ERBB4: variants seen among roughly 807,000 people sequenced by gnomAD.
ERBB4 encodes the protein erb-b2 receptor tyrosine kinase 4.
A neutral mutation model predicts 158.0 loss-of-function variants in ERBB4; 42 were observed. The ratio of observed to expected loss-of-function variants is 0.27; its 90% CI spans 0.21 to 0.34. The LOEUF is 0.34. Among genes scored for constraint, ERBB4 ranks in the 10% least tolerant of loss-of-function variants. ERBB4 has a pLI of 1.00. For missense variants in ERBB4, 1,333 were observed against 1,624.1 expected (o/e 0.82, Z 3.08); for synonymous variants, 583 against 558.7 (o/e 1.04, Z -0.61).
intron 1 of ERBB4, among the ~76,000 whole-genome samples, chr2:212,427,572 A>T (rs780748562): frequency 2.0e-5 from 3 of 152,192 alleles, no homozygotes; most frequent in Admixed American, 6.6e-5. Context: ...AAAACACAAT[A>T]AAAATTCACT....
intron 1 of ERBB4, among the ~76,000 whole-genome samples, chr2:212,502,469 T>C (rs1376638393): frequency 6.6e-6 from 1 of 152,188 alleles, no homozygotes; most frequent in Non-Finnish European, 1.5e-5. Flanking sequence ...AGTAATCATT[T>C]ACTCAGTGTC....
intron 3 of ERBB4, among the ~76,000 whole-genome samples, chr2:211,851,168 T>C (rs1173923278): frequency 6.6e-6 from 1 of 151,930 alleles, no homozygotes; most frequent in East Asian, 1.9e-4. Flanking sequence ...GTACAAAATT[T>C]GACTGAACAA....
chr2:212,305,739 TA>T (rs1465394753), intron 1 of ERBB4, among the ~76,000 whole-genome samples: 1 of 151,366 alleles, frequency 6.6e-6, no homozygotes, highest in Non-Finnish European at 1.5e-5. Context: ...ATTTTAAAAG[TA>T]AATACAAATA....
chr2:211,979,475 C>G (rs1266615665), intron 2 of ERBB4, among the ~76,000 whole-genome samples: 2 of 152,116 alleles, frequency 1.3e-5, no homozygotes, highest in Admixed American at 1.3e-4. Context: ...CTATGCTTGT[C>G]TACTCTTTAG....
rs551416316 is a variant in ERBB4, at chr2:211,804,146, G to A, written c.422-15987C>T. 2.0e-5 allele frequency among the ~76,000 whole-genome samples: 3 copies of A among 152,238 alleles called. No homozygotes were observed. In the South Asian group the frequency reaches 6.2e-4, roughly 32 times the overall value. On this transcript the variant is annotated intron_variant, in intron 3 of 27. Coordinates refer to ENST00000342788, the MANE Select transcript of ERBB4 (RefSeq NM_005235.3). ...AATAGGAAAGGCTTACATGTCATCT[G>A]GAAGATAAAATCAAATAACTGGCTG...
In ERBB4 at chr2:211,876,918, C is replaced by T. The variant is rs147258054; in HGVS notation, c.421+70512G>A. On this transcript the variant is annotated intron_variant, in intron 3 of 27. Coordinates refer to ENST00000342788, the MANE Select transcript of ERBB4 (RefSeq NM_005235.3). Reference sequence around the variant, plus strand: ...TGAAAAAATTAACAAAGTTTTATATCTATTTTCTTCTTTCTGGTTTCATTG... The same window carrying T: ...TGAAAAAATTAACAAAGTTTTATATTTATTTTCTTCTTTCTGGTTTCATTG... 4.8e-4 allele frequency among the ~76,000 whole-genome samples: 73 copies of T among 152,186 alleles called. 1 individual carries two copies. In the East Asian group the frequency reaches 0.012, roughly 25 times the overall value.
intron 1 of ERBB4, among the ~76,000 whole-genome samples, chr2:212,200,388 T>C (rs535247555): frequency 1.3e-5 from 2 of 152,278 alleles, no homozygotes; most frequent in African/African-American, 2.4e-5. Flanking sequence ...ATTTATCTTG[T>C]AAAGTTTTTC....
chr2:211,913,519 C>T (rs10181131), intron 3 of ERBB4, among the ~76,000 whole-genome samples: 36,873 of 151,490 alleles, frequency 0.24, 5,242 homozygotes, highest in African/African-American at 0.39. Flanking sequence ...GAGAATCGCT[C>T]GAACTCGGGA....
intron 1 of ERBB4, among the ~76,000 whole-genome samples, chr2:212,492,653 A>G (rs1690344613): frequency 6.6e-6 from 1 of 151,510 alleles, no homozygotes; most frequent in Non-Finnish European, 1.5e-5. Flanking sequence ...TGTTTCAACT[A>G]TAAAACTCAG....
intron 1 of ERBB4, among the ~76,000 whole-genome samples, chr2:212,342,442 T>A (rs1449913019): frequency 6.6e-6 from 1 of 152,202 alleles, no homozygotes; most frequent in Admixed American, 6.5e-5. Flanking sequence ...CCATGTAAGA[T>A]GTGCCTTCCG....
At chr2:212,240,248 C>T (rs2084033652) in intron 1 of ERBB4, among the ~76,000 whole-genome samples, 1 of 152,076 alleles carries the variant, frequency 6.6e-6, no homozygotes, top group Non-Finnish European at 1.5e-5. Flanking sequence ...GAAGCAAAAA[C>T]GTCACTCTCA....
intron 2 of ERBB4, among the ~76,000 whole-genome samples, chr2:211,982,890 C>A (rs558741984): frequency 6.6e-6 from 1 of 152,306 alleles, no homozygotes; most frequent in Admixed American, 6.5e-5. Flanking sequence ...ATTAAAATTT[C>A]ATTTCAGCAT....
chr2:211,470,617 G>A (rs2064807710), intron 20 of ERBB4, among the ~76,000 whole-genome samples: 1 of 152,056 alleles, frequency 6.6e-6, no homozygotes, highest in Non-Finnish European at 1.5e-5. Context: ...GGATTTTAGA[G>A]AGATACTTTA....
intron 20 of ERBB4, among the ~76,000 whole-genome samples, chr2:211,515,254 G>C (rs922660214): frequency 2.6e-5 from 4 of 152,070 alleles, no homozygotes; most frequent in Non-Finnish European, 5.9e-5. Context: ...CCATCACCCT[G>C]GTGAATTTGG....
chr2:212,089,623 T>C (rs1468910090), intron 2 of ERBB4, among the ~76,000 whole-genome samples: 1 of 152,146 alleles, frequency 6.6e-6, no homozygotes, highest in African/African-American at 2.4e-5. Context: ...GCTCCTGCCA[T>C]GCAGATGTCT....
rs564057088 is a variant in ERBB4, at chr2:211,654,389, CTA to C, written c.1946+3363_1946+3364del. ...CTAAATAGGCGTTAATGAAAGATAT[CTA>C]GAGTTTCCTAAAAGGAACAATTAAC... On this transcript the variant is annotated intron_variant, in intron 16 of 27. Coordinates refer to ENST00000342788, the MANE Select transcript of ERBB4 (RefSeq NM_005235.3). 4.6e-3 allele frequency among the ~76,000 whole-genome samples: 707 copies of C among 152,296 alleles called. 6 individuals are homozygous for C. Among genetic ancestry groups the C allele is most frequent in the African/African-American group, 0.016 (665 of 41,560 alleles).
intron 20 of ERBB4, among the ~76,000 whole-genome samples, chr2:211,550,592 T>TAA: frequency 6.9e-6 from 1 of 145,894 alleles, no homozygotes; most frequent in African/African-American, 2.5e-5. Context: ...TATATATATA[T>TAA]ATAAATATAT....
At chr2:212,003,207 C>CAGAAAGAAAGAAAGAA (rs1436360673) in intron 2 of ERBB4, among the ~76,000 whole-genome samples, 67 of 39,960 alleles carry the variant, frequency 1.7e-3, no homozygotes, top group Admixed American at 2.2e-3. Context: ...GAAAGAAAGA[C>CAGAAAGAAAGAAAGAA]AGAAAGAAGG....
intron 1 of ERBB4, among the ~76,000 whole-genome samples, chr2:212,306,265 A>G (rs1364509216): frequency 6.6e-6 from 1 of 151,502 alleles, no homozygotes; most frequent in African/African-American, 2.4e-5. Context: ...TAATTCAGCA[A>G]GACTATTGTT....
Sources: allele counts gnomAD v4.1 joint callset (sites outside exome capture counted in the v4.1 genomes callset), GRCh38; gene constraint gnomAD v4.1.1; transcripts MANE v1.5; gene names NCBI Gene and HGNC (gene_info 2026-07-23, HGNC 2026-07-21).